CNTN4: variants seen among roughly 807,000 people sequenced by gnomAD.
CNTN4 encodes contactin-4.
Under a neutral mutation model 122.5 loss-of-function variants are expected in CNTN4, and 77 were observed. The observed-to-expected ratio is 0.63, with a 90% confidence interval of 0.52 to 0.76. The LOEUF is 0.76. Ranked by LOEUF, CNTN4 falls within the 30% of genes least tolerant of loss-of-function variation. The probability of loss-of-function intolerance (pLI) is 0.00; values close to 1 mark genes in which losing one functional copy is unlikely to be tolerated. For missense variants in CNTN4, 1,256 were observed against 1,259.1 expected (o/e 1.00, Z 0.04); for synonymous variants, 512 against 447.0 (o/e 1.15, Z -1.83).
intron 13 of CNTN4, among the ~76,000 whole-genome samples, chr3:2,943,898 C>T (rs941950772): frequency 2.0e-5 from 3 of 151,822 alleles, no homozygotes; most frequent in East Asian, 1.9e-4. Flanking sequence ...ATAATGGCCA[C>T]AAACAGTTCC....
At chr3:2,120,489 G>A (rs748655359) in intron 2 of CNTN4, among the ~76,000 whole-genome samples, 3 of 146,932 alleles carry the variant, frequency 2.0e-5, no homozygotes, top group Non-Finnish European at 4.5e-5. Flanking sequence ...CTGCGAGCTC[G>A]CTTCCTGGGA....
intron 2 of CNTN4, among the ~76,000 whole-genome samples, chr3:2,278,721 A>C (rs769764624): frequency 6.6e-6 from 1 of 152,180 alleles, no homozygotes; most frequent in Non-Finnish European, 1.5e-5. Flanking sequence ...ATCCTGAAAA[A>C]GTTTTCTAAC....
intron 2 of CNTN4, among the ~76,000 whole-genome samples, chr3:2,276,169 T>G (rs2041502490): frequency 6.6e-6 from 1 of 151,474 alleles, no homozygotes; most frequent in Non-Finnish European, 1.5e-5. Flanking sequence ...AATTAATTAA[T>G]TTATTTTTAT....
chr3:2,633,738 G>C (rs2082541660), intron 4 of CNTN4, among the ~76,000 whole-genome samples: 1 of 152,172 alleles, frequency 6.6e-6, no homozygotes, highest in Admixed American at 6.5e-5. Flanking sequence ...AACCTTGCTG[G>C]CATGAGGTTA....
At chr3:2,300,930 G>T (rs900056094) in intron 2 of CNTN4, among the ~76,000 whole-genome samples, 1 of 152,088 alleles carries the variant, frequency 6.6e-6, no homozygotes, top group Admixed American at 6.6e-5. Context: ...GCATGAAGGC[G>T]TGTCCATTTG....
chr3:2,487,743 G>T (rs1274294320), intron 3 of CNTN4, among the ~76,000 whole-genome samples: 1 of 152,036 alleles, frequency 6.6e-6, no homozygotes, highest in Non-Finnish European at 1.5e-5. Flanking sequence ...TGTAATTTTT[G>T]AAATACATGA....
chr3:2,399,842 C>A (rs938442342), intron 3 of CNTN4, among the ~76,000 whole-genome samples: 3 of 152,104 alleles, frequency 2.0e-5, no homozygotes, highest in Middle Eastern at 3.4e-3. Flanking sequence ...GAGTGAAAAT[C>A]AAATGGTTTC....
chr3:2,290,335 CTTGGTATGTT>C (rs1432234831), intron 2 of CNTN4, among the ~76,000 whole-genome samples: 1 of 152,120 alleles, frequency 6.6e-6, no homozygotes, highest in Non-Finnish European at 1.5e-5. Context: ...TCAGGCTTGT[CTTGGTATGTT>C]ATGACTTGAA....
intron 8 of CNTN4, among the ~76,000 whole-genome samples, chr3:2,874,222 A>G (rs1290028758): frequency 6.6e-6 from 1 of 152,108 alleles, no homozygotes; most frequent in African/African-American, 2.4e-5. Flanking sequence ...CCATTTGGCT[A>G]CTCAGTTAGA....
At chr3:2,453,201 A>G (rs769078657) in intron 3 of CNTN4, among the ~76,000 whole-genome samples, 1 of 152,160 alleles carries the variant, frequency 6.6e-6, no homozygotes, top group Non-Finnish European at 1.5e-5. Context: ...ACCAAGAAAA[A>G]AAAAAGTCAA....
intron 8 of CNTN4, among the ~76,000 whole-genome samples, chr3:2,871,996 G>A (rs9310866): frequency 0.79 from 119,949 of 151,994 alleles, 48,301 homozygotes; most frequent in African/African-American, 0.87. Flanking sequence ...ATGAGAGGGA[G>A]AAAGTATAAT....
At chr3:2,463,514 C>T (rs932931307) in intron 3 of CNTN4, among the ~76,000 whole-genome samples, 1 of 152,170 alleles carries the variant, frequency 6.6e-6, no homozygotes, top group Non-Finnish European at 1.5e-5. Context: ...AATCCCAGCA[C>T]TTTGGGAGGC....
rs73804568 is a variant in CNTN4, at chr3:2,454,108, A to C, written c.-89+114875A>C. ...AAGAAGCTAACTTGCCTGTTGTTAC[A>C]TGGCAAGAGTATGGCCAGAATTCAA... On this transcript the variant is annotated intron_variant, in intron 3 of 24. Coordinates refer to ENST00000418658, the MANE Select transcript of CNTN4 (RefSeq NM_175607.3). 7.2e-3 allele frequency among the ~76,000 whole-genome samples: 407 copies of C among 56,530 alleles called. 2 individuals are homozygous for C. Among genetic ancestry groups the C allele is most frequent in the African/African-American group, 0.026 (381 of 14,714 alleles). The allele number at this position is 56,530 out of a possible 152,430, so 37.1% of individuals were successfully genotyped here. A position where few individuals can be genotyped will look rare whatever the true frequency, so the allele number is the denominator to read the frequency against.
chr3:2,780,918 A>G (rs2091542412), intron 6 of CNTN4, among the ~76,000 whole-genome samples: 1 of 152,238 alleles, frequency 6.6e-6, no homozygotes, highest in South Asian at 2.1e-4. Context: ...TCACAATTCC[A>G]AACCCAAGTT....
intron 3 of CNTN4, among the ~76,000 whole-genome samples, chr3:2,523,818 T>G (rs2149173321): frequency 6.6e-6 from 1 of 152,170 alleles, no homozygotes; most frequent in African/African-American, 2.4e-5. Context: ...AATGACTCAC[T>G]TTTTCAATTT....
At chr3:2,517,397 G>C (rs2077070176) in intron 3 of CNTN4, among the ~76,000 whole-genome samples, 1 of 152,052 alleles carries the variant, frequency 6.6e-6, no homozygotes, top group Admixed American at 6.6e-5. Flanking sequence ...CTGTGTTTCT[G>C]ATCCCCCACT....
At chr3:3,010,559 T>C (rs1697129758) in intron 14 of CNTN4, among the ~76,000 whole-genome samples, 3 of 152,068 alleles carry the variant, frequency 2.0e-5, no homozygotes, top group African/African-American at 7.2e-5. Flanking sequence ...AAGAAATGGA[T>C]AATTTAAGGA....
At chr3:2,627,750 C>T (rs62232711) in intron 4 of CNTN4, among the ~76,000 whole-genome samples, 1 of 152,076 alleles carries the variant, frequency 6.6e-6, no homozygotes, top group Non-Finnish European at 1.5e-5. Flanking sequence ...GCCTCGGCCT[C>T]CCAAAGTGCT....
chr3:2,671,010 C>G (rs1477883024), intron 4 of CNTN4, among the ~76,000 whole-genome samples: 1 of 152,208 alleles, frequency 6.6e-6, no homozygotes, highest in Admixed American at 6.5e-5. Context: ...ACCTTTCTCT[C>G]TGTCTGCCCT....
Sources: gnomAD v4.1 joint callset for allele counts (sites outside exome capture counted in the v4.1 genomes callset) on GRCh38, gnomAD v4.1.1 for gene constraint, MANE v1.5 for transcripts, NCBI Gene and HGNC (gene_info 2026-07-23, HGNC 2026-07-21) for gene names.